Variants in RICTOR observed in about 807,000 individuals in gnomAD.
RICTOR encodes RPTOR independent companion of MTOR complex 2.
RICTOR carries 49 observed loss-of-function variants against 214.9 expected under a neutral mutation model. The ratio of observed to expected loss-of-function variants is 0.23; its 90% confidence interval spans 0.18 to 0.29. RICTOR has a LOEUF of 0.29. RICTOR is among the 10% of genes least tolerant of loss of function. The pLI is 1.00. For missense variants in RICTOR, 1,625 were observed against 2,047.0 expected, an observed-to-expected ratio of 0.79 and a Z score of 3.98; for synonymous variants, 717 against 711.3, an observed-to-expected ratio of 1.01 and a Z score of -0.13.
chr5:38,958,300 C>A, intron 24 of RICTOR, 143 bp downstream of exon 24: 12 of 607,500 alleles, frequency 2.0e-5, no homozygotes, highest in East Asian at 8.6e-5. Flanking sequence ...AAAAGAAAAA[C>A]CCAAAATAAT....
chr5:39,040,823 T>G (rs961354312), intron 2 of RICTOR, among the ~76,000 whole-genome samples: 1 of 152,222 alleles, frequency 6.6e-6, no homozygotes, highest in Non-Finnish European at 1.5e-5. Context: ...GCTCCTCATC[T>G]GCCATATACT....
In RICTOR at chr5:38,990,752, A is replaced by ATATCATATATATCATATATC. The variant is rs1336882288; in HGVS notation, c.583+196_583+197insGATATATGATATATATGATA. Among the ~76,000 whole-genome samples, 226 of 52,540 alleles carry ATATCATATATATCATATATC rather than the reference A, an allele frequency of 4.3e-3. 23 individuals carry two copies. Among genetic ancestry groups the ATATCATATATATCATATATC allele is most frequent in the African/African-American group, 0.012 (217 of 18,540 alleles). The allele number at this position is 52,540 out of a possible 152,430, so 34.5% of individuals were successfully genotyped here. ...CATATATATGATATATATGAGATAT[A>ATATCATATATATCATATATC]TGATATATATGAGATATATGATATA... On this transcript the variant is annotated intron_variant, in intron 7 of 37. Coordinates refer to ENST00000357387, the MANE Select transcript of RICTOR (RefSeq NM_152756.5).
At chr5:39,044,296 T>A (rs187462062) in intron 2 of RICTOR, among the ~76,000 whole-genome samples, 6,413 of 152,158 alleles carry the variant, frequency 0.042, 249 homozygotes, top group African/African-American at 0.096. Context: ...CGAAAAAAAA[T>A]TTTGTTATTT....
intron 5 of RICTOR, among the ~76,000 whole-genome samples, chr5:38,999,147 A>C (rs1475545480): frequency 6.6e-6 from 1 of 152,018 alleles, no homozygotes; most frequent in Non-Finnish European, 1.5e-5. Context: ...ACAGGTAAGT[A>C]GAAACTAAGC....
chr5:38,986,237 C>T (rs1021759183), intron 7 of RICTOR, among the ~76,000 whole-genome samples: 8 of 152,156 alleles, frequency 5.3e-5, no homozygotes, highest in African/African-American at 1.7e-4. Context: ...GCTCTTTCTC[C>T]TGCTGCTACG....
chr5:39,035,155 G>C (rs1355353982), intron 2 of RICTOR, among the ~76,000 whole-genome samples: 2 of 152,214 alleles, frequency 1.3e-5, no homozygotes, highest in African/African-American at 4.8e-5. Context: ...AGCAGCATTT[G>C]TGGTTCACCA....
chr5:38,960,503 C>T lies in RICTOR; in HGVS notation c.1746G>A (p.Lys582=). 1 of 1,613,586 alleles carries T rather than the reference C, an allele frequency of 6.2e-7. No homozygotes were observed. Among genetic ancestry groups the T allele is most frequent in the South Asian group, 1.1e-5 (1 of 91,070 alleles). The change falls in exon 20 of 38, where the codon AAG becomes AAA. Residue 582 remains lysine (K), a synonymous_variant. Transcript: ENST00000357387. ...RFVRRLLYFY[K]PSSKLYANLD... Reference sequence around the variant, plus strand: ...GGTTGGCATATAATTTACTGCTGGGCTTGTAAAAATAAAGTAGTCTTCGTA... The same window carrying T: ...GGTTGGCATATAATTTACTGCTGGGTTTGTAAAAATAAAGTAGTCTTCGTA...
intron 19 of RICTOR, 136 bp from the exon 20 acceptor site, chr5:38,960,669 T>A: frequency 1.2e-6 from 1 of 855,740 alleles, no homozygotes; most frequent in Non-Finnish European, 1.8e-6. Context: ...GCAAGAAATG[T>A]ATTAAAAGTG....
chr5:39,026,332 T>C (rs1464082690), intron 2 of RICTOR, among the ~76,000 whole-genome samples: 2 of 151,798 alleles, frequency 1.3e-5, no homozygotes, highest in Non-Finnish European at 2.9e-5. Flanking sequence ...CAACAGACAG[T>C]GCAAGACCCT....
At position 38,940,130 on chromosome 5, in the gene RICTOR, T is replaced by TAAAAAAAAAAAAAA. The variant is rs1554057737; in HGVS notation, c.*2173_*2174insTTTTTTTTTTTTTT. 8.7e-5 allele frequency: 7 copies of TAAAAAAAAAAAAAA among 80,458 alleles called. No individual in the cohort carries two copies. Among genetic ancestry groups the TAAAAAAAAAAAAAA allele is most frequent in the African/African-American group, 3.5e-4 (4 of 11,336 alleles). 5.0% of individuals were successfully genotyped at this position (80,458 alleles called of 1,614,324 possible). ...ACATACATATTTTTCAAAGTAACAGTAAAAAAAAAAAACAAAAAAAAAAAC... is the reference window on the plus strand; with the variant it reads ...ACATACATATTTTTCAAAGTAACAGTAAAAAAAAAAAAAAAAAAAAAAAAAACAAAAAAAAAAAC... On this transcript the variant is annotated 3_prime_UTR_variant, in exon 38 of 38. Transcript: ENST00000357387.
intron 7 of RICTOR, among the ~76,000 whole-genome samples, chr5:38,990,548 G>GATAT (rs150216191): frequency 2.4e-5 from 1 of 41,862 alleles, no homozygotes; most frequent in Non-Finnish European, 5.2e-5. Context: ...ATATATACAC[G>GATAT]ATATACACGA....
intron 2 of RICTOR, among the ~76,000 whole-genome samples, chr5:39,037,396 C>T (rs1240360621): frequency 6.6e-6 from 1 of 151,832 alleles, no homozygotes; most frequent in African/African-American, 2.4e-5. Context: ...CCTAACATCA[C>T]AATTAAAAGA....
intron 6 of RICTOR, among the ~76,000 whole-genome samples, chr5:38,994,545 C>A (rs939987127): frequency 2.0e-5 from 3 of 151,044 alleles, no homozygotes; most frequent in African/African-American, 7.3e-5. Context: ...CACTCTAACC[C>A]TTTTAGCATA....
intron 5 of RICTOR, among the ~76,000 whole-genome samples, chr5:38,998,931 A>C (rs1753379219): frequency 6.7e-6 from 1 of 149,258 alleles, no homozygotes; most frequent in South Asian, 2.1e-4. Flanking sequence ...CAGGAGAATC[A>C]CTTGAACCCA....
At chr5:39,015,520 T>C (rs1339360529) in intron 3 of RICTOR, among the ~76,000 whole-genome samples, 5 of 151,798 alleles carry the variant, frequency 3.3e-5, no homozygotes, top group Non-Finnish European at 7.4e-5. Context: ...TTTCTGCTTG[T>C]CACAACTGGT....
intron 8 of RICTOR, among the ~76,000 whole-genome samples, chr5:38,979,918 T>A (rs1653241591): frequency 6.6e-6 from 1 of 152,248 alleles, no homozygotes. Flanking sequence ...CTGTTCAATT[T>A]ATTTCTTTTT....
At chr5:39,072,919 T>C (rs767539415) in intron 2 of RICTOR, among the ~76,000 whole-genome samples, 3 of 152,204 alleles carry the variant, frequency 2.0e-5, no homozygotes, top group African/African-American at 4.8e-5. Flanking sequence ...AATGTACTCT[T>C]GTAGCTAAGT....
At position 39,051,246 on chromosome 5, in the gene RICTOR, C is replaced by G. The variant is rs115148380; in HGVS notation, c.97+22865G>C. Among the ~76,000 whole-genome samples, 1,211 of 152,250 alleles carry G rather than the reference C, an allele frequency of 8.0e-3. 19 individuals are homozygous for G. Among genetic ancestry groups the G allele is most frequent in the African/African-American group, 0.027 (1,138 of 41,530 alleles). ...CATGATCAAAAGAATGGATAAATAA[C>G]TGTTATTTGTTTATTAACACTTGTT... On this transcript the variant is annotated intron_variant, in intron 2 of 37. Transcript: ENST00000357387.
intron 2 of RICTOR, among the ~76,000 whole-genome samples, chr5:39,034,221 G>C (rs1274657784): frequency 6.6e-6 from 1 of 152,176 alleles, no homozygotes; most frequent in East Asian, 1.9e-4. Context: ...TACTGTAACT[G>C]TCAAATATAG....
Sources: gnomAD v4.1 joint callset for allele counts (sites outside exome capture counted in the v4.1 genomes callset) on GRCh38, gnomAD v4.1.1 for gene constraint, MANE v1.5 for transcripts, NCBI Gene and HGNC (gene_info 2026-07-23, HGNC 2026-07-21) for gene names.